CSMD1: variants seen among roughly 807,000 people sequenced by gnomAD.
The protein encoded by CSMD1 is CUB and sushi domain-containing protein 1.
CSMD1 carries 213 observed loss-of-function variants against 417.5 expected under a neutral mutation model. That is an observed-to-expected ratio of 0.51 (90% CI 0.46 to 0.57). CSMD1 has a LOEUF of 0.57. Among genes scored for constraint, CSMD1 ranks in the 20% least tolerant of loss-of-function variants. CSMD1 has a pLI of 0.00. For missense variants in CSMD1, 6,923 were observed against 4,529.7 expected (o/e 1.53, Z -15.17); for synonymous variants, 2,862 against 1,736.8 (o/e 1.65, Z -16.11).
chr8:4,528,506 C>T (rs1045875441), intron 2 of CSMD1, among the ~76,000 whole-genome samples: 4 of 152,208 alleles, frequency 2.6e-5, no homozygotes, highest in South Asian at 2.1e-4. Context: ...TGTAGCATGG[C>T]GCCTAGAGTT....
At chr8:4,264,492 C>T (rs1804104820) in intron 3 of CSMD1, among the ~76,000 whole-genome samples, 1 of 152,170 alleles carries the variant, frequency 6.6e-6, no homozygotes, top group South Asian at 2.1e-4. Context: ...TTCTAGTTTA[C>T]AAGCTAATGT....
intron 1 of CSMD1, among the ~76,000 whole-genome samples, chr8:4,796,773 C>G (rs7011467): frequency 0.16 from 23,828 of 152,196 alleles, 2,495 homozygotes; most frequent in African/African-American, 0.29. Flanking sequence ...AGTCCCCTTC[C>G]CCTTTTGCAA....
intron 1 of CSMD1, among the ~76,000 whole-genome samples, chr8:4,988,539 C>G (rs1365214870): frequency 6.6e-6 from 1 of 152,206 alleles, no homozygotes; most frequent in African/African-American, 2.4e-5. Context: ...GTGACACTGA[C>G]TCTAACTGAA....
chr8:4,057,030 T>C (rs908922834), intron 3 of CSMD1, among the ~76,000 whole-genome samples: 4 of 152,232 alleles, frequency 2.6e-5, no homozygotes, highest in Non-Finnish European at 4.4e-5. Context: ...GCATGATTTA[T>C]AGTCCTTTGG....
At chr8:4,563,168 G>A (rs1444111493) in intron 2 of CSMD1, among the ~76,000 whole-genome samples, 2 of 152,126 alleles carry the variant, frequency 1.3e-5, no homozygotes, top group African/African-American at 2.4e-5. Flanking sequence ...TTCGGAGGCC[G>A]AGGCAGGCGG....
intron 6 of CSMD1, among the ~76,000 whole-genome samples, chr8:3,730,031 G>A (rs763250829): frequency 5.4e-5 from 8 of 149,136 alleles, no homozygotes; most frequent in Admixed American, 2.0e-4. Context: ...TGGTCGAAGC[G>A]CTGCAAGTGT....
intron 2 of CSMD1, among the ~76,000 whole-genome samples, chr8:4,480,313 T>C (rs1801029772): frequency 6.6e-6 from 1 of 152,180 alleles, no homozygotes; most frequent in Admixed American, 6.5e-5. Flanking sequence ...ACTTAACCTG[T>C]GTGTTTCTGC....
intron 11 of CSMD1, among the ~76,000 whole-genome samples, chr8:3,478,511 T>G (rs1027023401): frequency 2.6e-5 from 4 of 151,958 alleles, no homozygotes; most frequent in African/African-American, 9.7e-5. Context: ...ACTGCTAAAA[T>G]GTGATAGGAG....
At chr8:4,088,410 G>A (rs1235190008) in intron 3 of CSMD1, among the ~76,000 whole-genome samples, 18 of 152,080 alleles carry the variant, frequency 1.2e-4, no homozygotes, top group Admixed American at 1.0e-3. Context: ...CTTTTCTCAG[G>A]TTTCCTCTCC....
intron 5 of CSMD1, among the ~76,000 whole-genome samples, chr8:3,914,576 T>TA (rs1341848507): frequency 6.6e-6 from 1 of 152,166 alleles, no homozygotes. Flanking sequence ...GTTTACTCCT[T>TA]AAAATAAAAT....
chr8:4,570,788 G>C (rs575821364), intron 2 of CSMD1, among the ~76,000 whole-genome samples: 2 of 152,200 alleles, frequency 1.3e-5, no homozygotes, highest in African/African-American at 2.4e-5. Context: ...TTTATTGTTT[G>C]GTAGGCTATT....
Position 3,332,063 on chromosome 8 carries a change from A to G in CSMD1, c.3631+11231T>C, listed in dbSNP as rs936139169. ...ATAATAGATCATAGATTATCAATCA[A>G]TAGATGATCAATTAATTGACAGACA... On this transcript the variant is annotated intron_variant, in intron 23 of 69. Transcript: ENST00000635120. Among the ~76,000 whole-genome samples the G allele has an allele frequency of 1.3e-5, 2 of 152,260 alleles. 1 individual carries two copies. The highest frequency in any genetic ancestry group is 3.8e-4 in the East Asian group (2 of 5,196).
At chr8:4,378,890 T>A (rs1196051685) in intron 3 of CSMD1, among the ~76,000 whole-genome samples, 1 of 152,172 alleles carries the variant, frequency 6.6e-6, no homozygotes, top group African/African-American at 2.4e-5. Flanking sequence ...AGTTGCTGAA[T>A]CCGCAATGCT....
intron 1 of CSMD1, among the ~76,000 whole-genome samples, chr8:4,919,229 G>A (rs536398720): frequency 6.6e-6 from 1 of 152,254 alleles, no homozygotes; most frequent in South Asian, 2.1e-4. Flanking sequence ...TTTAGTCATA[G>A]CTACAATTCA....
At chr8:4,178,184 C>G (rs576580117) in intron 3 of CSMD1, among the ~76,000 whole-genome samples, 1 of 152,078 alleles carries the variant, frequency 6.6e-6, no homozygotes, top group Non-Finnish European at 1.5e-5. Context: ...ACCCTCAATA[C>G]GATACTGGCA....
intron 2 of CSMD1, among the ~76,000 whole-genome samples, chr8:4,584,127 G>C (rs1036896236): frequency 6.6e-6 from 1 of 152,038 alleles, no homozygotes; most frequent in Admixed American, 6.5e-5. Flanking sequence ...ACATCCGAAC[G>C]TCAGAAGGAA....
chr8:3,132,239 T>G (rs947970092), intron 41 of CSMD1, among the ~76,000 whole-genome samples: 4 of 152,160 alleles, frequency 2.6e-5, no homozygotes, highest in African/African-American at 9.7e-5. Context: ...AAAATCTAGT[T>G]TTCTATTAAA....
In CSMD1 at chr8:3,863,762, G is replaced by A. The variant is rs189567776; in HGVS notation, c.819-109720C>T. On this transcript the variant is annotated intron_variant, in intron 5 of 69. Transcript: ENST00000635120. The stretch of plus-strand genomic sequence containing the variant: ...ATTTCAAATGTTAAACTACCCAGAA[G>A]AGAATTTTCTACTAGTTTTTCTGCT... Among the ~76,000 whole-genome samples the A allele has an allele frequency of 1.9e-3, 295 of 152,078 alleles. 2 individuals carry two copies. The highest frequency in any genetic ancestry group is 6.6e-3 in the African/African-American group (273 of 41,490).
At chr8:3,675,504 T>C (rs887224261) in intron 7 of CSMD1, among the ~76,000 whole-genome samples, 2 of 152,190 alleles carry the variant, frequency 1.3e-5, no homozygotes, top group African/African-American at 2.4e-5. Context: ...AAAATTCATA[T>C]GTTGAAGCCC....
Sources: allele counts gnomAD v4.1 joint callset (sites outside exome capture counted in the v4.1 genomes callset), GRCh38; gene constraint gnomAD v4.1.1; transcripts MANE v1.5; gene names NCBI Gene and HGNC (gene_info 2026-07-23, HGNC 2026-07-21).